The following STX19 variants were observed in gnomAD, a reference collection of about 807,000 sequenced individuals.
The protein encoded by STX19 is syntaxin-19.
STX19 carries 26 observed loss-of-function variants against 24.3 expected under a neutral mutation model. The observed-to-expected ratio is 1.07, with a 90% CI of 0.78 to 1.48. The LOEUF (loss-of-function observed/expected upper bound fraction) is 1.48, where lower values mean the gene tolerates loss of function less well. Among genes scored for constraint, STX19 ranks in the 40% most tolerant of loss-of-function variants. The pLI, the probability that STX19 is intolerant of heterozygous loss-of-function variation, is 0.00. For missense variants in STX19, 367 were observed against 331.9 expected (o/e 1.11, Z -0.82); for synonymous variants, 116 against 106.9 (o/e 1.09, Z -0.52).
intron 1 of STX19, among the ~76,000 whole-genome samples, chr3:94,024,692 C>G (rs2076519886): frequency 6.6e-6 from 1 of 152,018 alleles, no homozygotes; most frequent in African/African-American, 2.4e-5. Context: ...CTCAAGTGAT[C>G]CTTCTCCCTC....
chr3:94,015,730 T>G (rs1349712949), intron 1 of STX19, among the ~76,000 whole-genome samples: 1 of 152,186 alleles, frequency 6.6e-6, no homozygotes, highest in African/African-American at 2.4e-5. Context: ...TATGCATCAT[T>G]CAGTTAAAAC....
intron 1 of STX19, 117 bp from the exon 2 acceptor site, chr3:94,015,399 G>T (rs2076310251): frequency 1.4e-6 from 1 of 698,346 alleles, no homozygotes; most frequent in African/African-American, 1.8e-5. Flanking sequence ...TTTCTCAAAT[G>T]AGGTTAAAAA....
At chr3:94,016,681 C>G (rs2076340032) in intron 1 of STX19, among the ~76,000 whole-genome samples, 2 of 144,612 alleles carry the variant, frequency 1.4e-5, no homozygotes, top group Admixed American at 1.4e-4. Flanking sequence ...GAGTCTTGCT[C>G]TGATGCCCCG....
intron 1 of STX19, among the ~76,000 whole-genome samples, chr3:94,023,924 A>G (rs2076503112): frequency 6.6e-6 from 1 of 152,174 alleles, no homozygotes; most frequent in African/African-American, 2.4e-5. Flanking sequence ...GACCAAATTG[A>G]TCACTTTACA....
At chr3:94,018,468 C>T (rs2076379702) in intron 1 of STX19, among the ~76,000 whole-genome samples, 1 of 151,974 alleles carries the variant, frequency 6.6e-6, no homozygotes, top group South Asian at 2.1e-4. Context: ...TCACTATTTT[C>T]TTTTTCCTGG....
At chr3:94,027,340 A>G (rs1312841844) in intron 1 of STX19, among the ~76,000 whole-genome samples, 1 of 152,080 alleles carries the variant, frequency 6.6e-6, no homozygotes, top group Admixed American at 6.5e-5. Context: ...ATTTTGAAGT[A>G]TCTGACTTTT....
intron 1 of STX19, among the ~76,000 whole-genome samples, chr3:94,026,104 C>A (rs1460639339): frequency 6.6e-6 from 1 of 151,620 alleles, no homozygotes; most frequent in African/African-American, 2.4e-5. Context: ...ACTGCAAGCT[C>A]CGCCTTCCGG....
At chr3:94,020,663 G>A (rs918204751) in intron 1 of STX19, among the ~76,000 whole-genome samples, 5 of 152,058 alleles carry the variant, frequency 3.3e-5, no homozygotes, top group South Asian at 2.1e-4. Context: ...AAGTTTATTC[G>A]GAAACATTTG....
chr3:94,014,777 A>T lies in STX19; in HGVS notation c.493T>A (p.Phe165Ile). ...IAAKQEKCKT[F>I]ILRQLEVAGK... is the part of the protein sequence containing the mutation. ...GCAACTTCAAGCTGACGTAAAATAA[A>T]TGTCTTGCACTTCTCTTGCTTTGCT... The change falls in exon 2 of 2, where the codon TTT becomes ATT. Residue 165 changes from phenylalanine (F) to isoleucine (I), a missense_variant. Phe to Ile is a conservative substitution (Grantham distance 21). Coordinates refer to ENST00000315099, the MANE Select transcript of STX19 (RefSeq NM_001001850.3). The T allele has an allele frequency of 6.2e-7, 1 of 1,613,856 alleles. No individual in the cohort carries two copies.
intron 1 of STX19, among the ~76,000 whole-genome samples, chr3:94,016,656 T>A (rs138513169): frequency 1.3e-5 from 2 of 151,644 alleles, no homozygotes; most frequent in Non-Finnish European, 2.9e-5. Context: ...TTTCTTTTTT[T>A]TTTTTTTGGA....
At chr3:94,016,839 G>A (rs1419326104) in intron 1 of STX19, among the ~76,000 whole-genome samples, 1 of 152,044 alleles carries the variant, frequency 6.6e-6, no homozygotes, top group Non-Finnish European at 1.5e-5. Flanking sequence ...TAGAGACAGG[G>A]TTTCACCATA....
At chr3:94,021,133 C>T (rs1432474140) in intron 1 of STX19, among the ~76,000 whole-genome samples, 3 of 150,618 alleles carry the variant, frequency 2.0e-5, no homozygotes, top group Non-Finnish European at 4.4e-5. Flanking sequence ...GAAAGAATTG[C>T]CAGTTTTAGG....
chr3:94,018,176 G>A (rs1345081820), intron 1 of STX19, among the ~76,000 whole-genome samples: 1 of 151,282 alleles, frequency 6.6e-6, no homozygotes, highest in Non-Finnish European at 1.5e-5. Flanking sequence ...AAGATTACAG[G>A]CATAAGCCAC....
At chr3:94,022,387 A>G (rs1226582895) in intron 1 of STX19, among the ~76,000 whole-genome samples, 1 of 152,012 alleles carries the variant, frequency 6.6e-6, no homozygotes, top group Non-Finnish European at 1.5e-5. Context: ...CAGCCTCCCA[A>G]AGTGCTGGGA....
At chr3:94,024,382 CAG>C (rs1409482191) in intron 1 of STX19, among the ~76,000 whole-genome samples, 1 of 152,148 alleles carries the variant, frequency 6.6e-6, no homozygotes, top group Non-Finnish European at 1.5e-5. Context: ...TCAAACAAAA[CAG>C]ATTTTGATTT....
intron 1 of STX19, among the ~76,000 whole-genome samples, chr3:94,017,271 A>T (rs963983323): frequency 1.3e-5 from 2 of 152,208 alleles, no homozygotes; most frequent in Non-Finnish European, 2.9e-5. Context: ...TGCAAGTGAG[A>T]TTAGACTTAC....
At chr3:94,026,140 C>T (rs934247225) in intron 1 of STX19, among the ~76,000 whole-genome samples, 14 of 152,106 alleles carry the variant, frequency 9.2e-5, no homozygotes, top group African/African-American at 2.2e-4. Flanking sequence ...CTGCCTCAGC[C>T]TCCAGAGTAG....
In STX19 at chr3:94,014,692, A is replaced by G. The variant is rs566805185; in HGVS notation, c.578T>C (p.Val193Ala). 1.9e-5 allele frequency: 31 copies of G among 1,613,124 alleles called. No homozygotes were observed. Among genetic ancestry groups the G allele is most frequent in the South Asian group, 1.2e-4 (11 of 90,804 alleles). ...TTCTGTAAGTAAGCTTTCATTAAAA[A>G]CTTCCCATTTTCCTTGATGAAGCAT... The part of the protein sequence containing the change: ...NDMLHQGKWE[V>A]FNESLLTEIN... Residue 193 changes from valine to alanine, a missense_variant, in exon 2 of 2, where the codon GTT (valine) becomes GCT (alanine). By Grantham distance (64) the Val-to-Ala change is moderately conservative (BLOSUM62 0). Coordinates refer to ENST00000315099, the MANE Select transcript of STX19 (RefSeq NM_001001850.3).
chr3:94,014,435 G>A lies in STX19; in HGVS notation c.835C>T (p.Pro279Ser), dbSNP rs750814854. Residue 279 changes from proline to serine, a missense_variant, in exon 2 of 2, where the codon CCT (proline) becomes TCT (serine). Pro to Ser is a moderately conservative substitution (Grantham distance 74). Transcript: ENST00000315099. The part of the protein sequence containing the change: ...GLAVKYKKRN[P>S]CRVLCCWCCP... The stretch of plus-strand genomic sequence containing the variant: ...CACCAACAACACAGTACTCTGCAAG[G>A]ATTTCTTTTTTTGTATTTTACAGCT... The A allele has an allele frequency of 6.3e-7, 1 of 1,591,624 alleles. No individual in the cohort carries two copies. The highest frequency in any genetic ancestry group is 1.8e-5 in the Admixed American group (1 of 55,118).
Sources: gnomAD v4.1 joint callset for allele counts (sites outside exome capture counted in the v4.1 genomes callset) on GRCh38, gnomAD v4.1.1 for gene constraint, MANE v1.5 for transcripts, NCBI Gene and HGNC (gene_info 2026-07-23, HGNC 2026-07-21) for gene names.